The following NBPF9 variants were observed in gnomAD, a reference collection of about 807,000 sequenced individuals.
The protein encoded by NBPF9 is NBPF member 9, also known as NBPF family member NBPF9.
A neutral mutation model predicts 97.8 loss-of-function variants in NBPF9; 91 were observed. The ratio of observed to expected loss-of-function variants is 0.93; its 90% confidence interval spans 0.79 to 1.11. The LOEUF is 1.11. NBPF9 is among the 50% of genes least tolerant of loss of function. The pLI is 0.00. For missense variants in NBPF9, 992 were observed against 939.5 expected (o/e 1.06, Z -0.73); for synonymous variants, 334 against 359.5 (o/e 0.93, Z 0.80).
chr1:149,083,141 C>G (rs1463121818), intron 5 of NBPF9, among the ~76,000 whole-genome samples: 30 of 150,272 alleles, frequency 2.0e-4, no homozygotes, highest in Non-Finnish European at 3.0e-5. Flanking sequence ...ATATATGCCA[C>G]TAATTTGTTT....
At chr1:149,068,649 G>C (rs2079181226) in intron 17 of NBPF9, among the ~76,000 whole-genome samples, 1 of 149,982 alleles carries the variant, frequency 6.7e-6, no homozygotes, top group Non-Finnish European at 1.5e-5. Flanking sequence ...GACCTACAAA[G>C]AGATTTAGAC....
chr1:149,087,461 AT>A lies in NBPF9; in HGVS notation c.-195+3291del, dbSNP rs1291096512. ...CTTCTCTTCCACTGATATATATTCC[AT>A]TTTTTTTTTCAACAAAACACATAAT... is the stretch of plus-strand genomic sequence containing the variant. On this transcript the variant is annotated intron_variant, in intron 5 of 29. Coordinates refer to ENST00000584027, the Ensembl canonical transcript of NBPF9. 8.2e-4 allele frequency among the ~76,000 whole-genome samples: 117 copies of A among 143,158 alleles called. 1 individual carries two copies. The highest frequency in any genetic ancestry group is 2.4e-3 in the Admixed American group (35 of 14,382). 93.9% of individuals were successfully genotyped at this position (143,158 alleles called of 152,430 possible). A position where few individuals can be genotyped will look rare whatever the true frequency, so the allele number is the denominator to read the frequency against.
exon 14 of NBPF9, chr1:149,072,916 C>T (rs781842319): frequency 1.9e-6 from 3 of 1,606,828 alleles, no homozygotes; most frequent in Non-Finnish European, 2.6e-6. Flanking sequence ...TGAGCGTGAA[C>T]CAGGACTTTA....
chr1:149,097,238 T>A (rs2081840007), intron 4 of NBPF9, among the ~76,000 whole-genome samples: 1 of 151,894 alleles, frequency 6.6e-6, no homozygotes, highest in Admixed American at 6.6e-5. Flanking sequence ...GATGAGAACA[T>A]CCAGGGGAAC....
In NBPF9 at chr1:149,059,242, G is replaced by T. The variant is rs2078441572; in HGVS notation, c.2586-145C>A. The T allele has an allele frequency of 4.4e-6, 2 of 455,560 alleles. 1 individual carries two copies. The highest frequency in any genetic ancestry group is 4.8e-5 in the South Asian group (2 of 41,322). The allele number at this position is 455,560 out of a possible 1,614,324, so 28.2% of individuals were successfully genotyped here. A position where few individuals can be genotyped will look rare whatever the true frequency, so the allele number is the denominator to read the frequency against. On this transcript the variant is annotated intron_variant, in intron 25 of 29. Coordinates refer to ENST00000584027, the Ensembl canonical transcript of NBPF9. ...TGAGGTAATGAATTATTGCCTTTAG[G>T]TTGGGATAGACCAGGGCCAGGTAGA...
chr1:149,057,740 C>CACAAACACACAA (rs2078310416), intron 27 of NBPF9, among the ~76,000 whole-genome samples: 1 of 98,348 alleles, frequency 1.0e-5, no homozygotes, highest in East Asian at 3.6e-4. Context: ...CACACACACA[C>CACAAACACACAA]ACACACACAC....
chr1:149,079,233 C>T lies in NBPF9; in HGVS notation c.279-12G>A, dbSNP rs1389597766. The T allele has an allele frequency of 8.1e-4, 642 of 794,558 alleles. 6 individuals are homozygous for T. The highest frequency in any genetic ancestry group is 6.3e-3 in the African/African-American group (365 of 58,306). The allele number at this position is 794,558 out of a possible 1,614,324, so 49.2% of individuals were successfully genotyped here. On this transcript the variant is annotated splice_polypyrimidine_tract_variant and intron_variant, in intron 8 of 29. Coordinates refer to ENST00000584027, the Ensembl canonical transcript of NBPF9. ...GGACTTTATATTGCCTAAGGTGAGA[C>T]GGTAGAGAAAATTTAAGAGTAGAAA...
chr1:149,084,023 G>A (rs1282826321), intron 5 of NBPF9, among the ~76,000 whole-genome samples: 34 of 149,758 alleles, frequency 2.3e-4, no homozygotes, highest in African/African-American at 6.2e-4. Context: ...CCCAATGAAG[G>A]GCATTGGTGT....
chr1:149,059,946 G>T, intron 24 of NBPF9, 138 bp from the exon 25 acceptor site: 2 of 422,410 alleles, frequency 4.7e-6, no homozygotes, highest in South Asian at 5.7e-5. Flanking sequence ...TATTTCAGGA[G>T]GCCTGAAGGC....
chr1:149,062,712 C>T (rs1355891427), intron 21 of NBPF9, 150 bp downstream of exon 21: 5 of 703,316 alleles, frequency 7.1e-6, no homozygotes, highest in South Asian at 1.5e-5. Flanking sequence ...GAAACCTAAA[C>T]ATCTACTGCA....
chr1:149,055,306 G>A, exon 30 of NBPF9: 1 of 437,022 alleles, frequency 2.3e-6, no homozygotes. Context: ...TAAACACAAA[G>A]ATGACAATGA....
At chr1:149,068,761 C>T (rs1285906541) in intron 17 of NBPF9, among the ~76,000 whole-genome samples, 8,254 of 148,130 alleles carry the variant, frequency 0.056, 601 homozygotes, top group East Asian at 0.45. Flanking sequence ...GAACTCAGCT[C>T]TCCACCAAGC....
exon 30 of NBPF9, chr1:149,055,656 T>C (rs78667364): frequency 1.2e-6 from 2 of 1,611,866 alleles, no homozygotes; most frequent in East Asian, 2.2e-5. Flanking sequence ...TAAGGGCTGC[T>C]TATTGTGGGA....
intron 5 of NBPF9, among the ~76,000 whole-genome samples, chr1:149,086,334 C>T (rs1379106478): frequency 4.0e-5 from 6 of 150,414 alleles, no homozygotes; most frequent in African/African-American, 1.5e-4. Context: ...GTAACAAAAG[C>T]CCACCAAGAG....
At chr1:149,064,017 G>GACACAA (rs1315440638) in intron 19 of NBPF9, among the ~76,000 whole-genome samples, 1 of 101,748 alleles carries the variant, frequency 9.8e-6, no homozygotes, top group African/African-American at 3.8e-5. Context: ...CACAGACACA[G>GACACAA]ACACACACAC....
At chr1:149,095,683 G>A (rs1308751433) in intron 4 of NBPF9, among the ~76,000 whole-genome samples, 2 of 150,700 alleles carry the variant, frequency 1.3e-5, no homozygotes, top group Admixed American at 1.3e-4. Context: ...TATACAGATG[G>A]CAAATAAGCA....
chr1:149,096,996 AAG>A (rs1326650779), intron 4 of NBPF9, among the ~76,000 whole-genome samples: 1 of 150,504 alleles, frequency 6.6e-6, no homozygotes, highest in African/African-American at 2.4e-5. Context: ...AGGAAAGAAA[AAG>A]AGAGAACATG....
intron 3 of NBPF9, among the ~76,000 whole-genome samples, chr1:149,099,232 G>A (rs1373372925): frequency 3.9e-5 from 6 of 152,224 alleles, no homozygotes; most frequent in Admixed American, 3.3e-4. Context: ...ATCTGTACAC[G>A]TATATTCTAC....
intron 24 of NBPF9, chr1:149,060,102 C>A (rs1381729254): frequency 3.8e-6 from 1 of 261,286 alleles, no homozygotes; most frequent in Non-Finnish European, 7.0e-6. Context: ...AAAGCAAATA[C>A]CCTCAAATGA....
Sources: allele counts gnomAD v4.1 joint callset (sites outside exome capture counted in the v4.1 genomes callset), GRCh38; gene constraint gnomAD v4.1.1; transcripts MANE v1.5; gene names NCBI Gene and HGNC (gene_info 2026-07-23, HGNC 2026-07-21).